Variants in PCNX1 observed in about 807,000 individuals in gnomAD.
PCNX1 encodes pecanex 1, also known as pecanex-like protein 1.
Under a neutral mutation model 242.2 loss-of-function variants are expected in PCNX1, and 78 were observed. That is an observed-to-expected ratio of 0.32 (90% CI 0.27 to 0.39). PCNX1 has a LOEUF of 0.39. Among genes scored for constraint, PCNX1 ranks in the 10% least tolerant of loss-of-function variants. The pLI is 1.00. For synonymous variants in PCNX1, 1,024 were observed against 1,032.9 expected (o/e 0.99, Z 0.17); for missense variants, 2,581 against 2,856.5 (o/e 0.90, Z 2.20).
chr14:71,114,069 A>G lies in PCNX1; in HGVS notation c.*4134A>G, dbSNP rs1057275386. ...TTAGTGGAGATAATAACGTCAGTCA[A>G]GGCTAATGTGGTACATGGAACTTGC... On this transcript the variant is annotated 3_prime_UTR_variant, in exon 36 of 36. Coordinates refer to ENST00000304743, the MANE Select transcript of PCNX1 (RefSeq NM_014982.3). 6.6e-5 allele frequency: 10 copies of G among 152,198 alleles called. No individual in the cohort carries two copies. The highest frequency in any genetic ancestry group is 2.2e-4 in the African/African-American group (9 of 41,452). The allele number at this position is 152,198 out of a possible 1,614,324, so 9.4% of individuals were successfully genotyped here.
chr14:70,966,133 G>A (rs2058371152), intron 3 of PCNX1, among the ~76,000 whole-genome samples: 1 of 152,112 alleles, frequency 6.6e-6, no homozygotes, highest in Non-Finnish European at 1.5e-5. Flanking sequence ...TTTATATTCT[G>A]GAGCCCTGTT....
intron 5 of PCNX1, among the ~76,000 whole-genome samples, chr14:70,970,815 A>G (rs1279346884): frequency 6.6e-6 from 1 of 152,336 alleles, no homozygotes; most frequent in East Asian, 1.9e-4. Flanking sequence ...GTGCCATCCT[A>G]AAATTTGGTT....
intron 16 of PCNX1, chr14:71,031,827 GGTGGCATC>G: frequency 6.7e-7 from 1 of 1,489,622 alleles, no homozygotes; most frequent in Non-Finnish European, 9.4e-7. Context: ...GGAGAGGGAT[GGTGGCATC>G]GTCTGGCTTC....
chr14:71,041,753 C>G (rs2060711569), intron 19 of PCNX1, among the ~76,000 whole-genome samples: 1 of 151,456 alleles, frequency 6.6e-6, no homozygotes, highest in East Asian at 1.9e-4. Context: ...TGAACTCTTT[C>G]TACTTTTTTG....
intron 2 of PCNX1, among the ~76,000 whole-genome samples, chr14:70,949,182 C>T (rs947984791): frequency 7.4e-6 from 1 of 134,310 alleles, no homozygotes; most frequent in Non-Finnish European, 1.6e-5. Flanking sequence ...TTATACATCT[C>T]AGCATTTACT....
intron 1 of PCNX1, among the ~76,000 whole-genome samples, chr14:70,933,413 T>G (rs888861764): frequency 1.3e-5 from 2 of 152,234 alleles, no homozygotes; most frequent in African/African-American, 4.8e-5. Context: ...AGAATTATTT[T>G]TACATTTTTA....
intron 2 of PCNX1, among the ~76,000 whole-genome samples, chr14:70,957,317 T>A (rs2058033936): frequency 1.3e-5 from 2 of 152,150 alleles, no homozygotes; most frequent in Non-Finnish European, 2.9e-5. Context: ...AATAACTGTA[T>A]GTTCAGATTG....
chr14:71,003,231 G>A (rs935058195), intron 8 of PCNX1, among the ~76,000 whole-genome samples: 4 of 151,612 alleles, frequency 2.6e-5, no homozygotes, highest in Admixed American at 2.0e-4. Flanking sequence ...TTACAGGTGC[G>A]TGCCACCGTG....
intron 1 of PCNX1, 44 bp downstream of exon 1, chr14:70,908,047 CGGTGG>C: frequency 6.6e-7 from 1 of 1,512,554 alleles, no homozygotes; most frequent in Non-Finnish European, 8.9e-7. Context: ...CCCCGCGAGC[CGGTGG>C]GGAGATGCTG....
chr14:70,987,047 TTC>T (rs2059021146), intron 6 of PCNX1, among the ~76,000 whole-genome samples: 1 of 152,244 alleles, frequency 6.6e-6, no homozygotes, highest in South Asian at 2.1e-4. Context: ...GCTTGTTTTC[TTC>T]TCTGCTTTGT....
At chr14:71,097,647 C>T (rs1239712815) in intron 30 of PCNX1, among the ~76,000 whole-genome samples, 1 of 151,926 alleles carries the variant, frequency 6.6e-6, no homozygotes, top group Non-Finnish European at 1.5e-5. Flanking sequence ...TTGTTTTTTG[C>T]TTATTGAATT....
At chr14:71,041,555 TC>T (rs1303201154) in intron 19 of PCNX1, among the ~76,000 whole-genome samples, 1 of 152,140 alleles carries the variant, frequency 6.6e-6, no homozygotes, top group Non-Finnish European at 1.5e-5. Flanking sequence ...ATCTCCTTTT[TC>T]ATCTCTGATT....
At chr14:71,060,087 T>G (rs2061286354) in intron 26 of PCNX1, among the ~76,000 whole-genome samples, 1 of 152,212 alleles carries the variant, frequency 6.6e-6, no homozygotes, top group African/African-American at 2.4e-5. Flanking sequence ...TATCGTTAGA[T>G]TCTTACACAG....
At chr14:70,956,838 G>C (rs2058014270) in intron 2 of PCNX1, among the ~76,000 whole-genome samples, 1 of 151,952 alleles carries the variant, frequency 6.6e-6, no homozygotes. Context: ...TTTGCCTTTT[G>C]GTTTTCAGTT....
chr14:70,913,356 TGTCA>T (rs1213217448), intron 1 of PCNX1, among the ~76,000 whole-genome samples: 1 of 152,162 alleles, frequency 6.6e-6, no homozygotes, highest in African/African-American at 2.4e-5. Flanking sequence ...TTAGGTTCGG[TGTCA>T]GTCTCTACAA....
intron 1 of PCNX1, among the ~76,000 whole-genome samples, chr14:70,911,372 T>C (rs1594870182): frequency 6.6e-6 from 1 of 151,784 alleles, no homozygotes; most frequent in African/African-American, 2.4e-5. Context: ...ACTTTTGGTG[T>C]TTATTTAGGA....
chr14:70,932,048 A>C (rs1282492136), intron 1 of PCNX1, among the ~76,000 whole-genome samples: 1 of 152,178 alleles, frequency 6.6e-6, no homozygotes, highest in Non-Finnish European at 1.5e-5. Flanking sequence ...AATCGCTTGA[A>C]CCTGGGAGGC....
chr14:70,921,881 A>AAT (rs2056391167), intron 1 of PCNX1, among the ~76,000 whole-genome samples: 1 of 152,138 alleles, frequency 6.6e-6, no homozygotes, highest in Non-Finnish European at 1.5e-5. Context: ...ATCACCCCCT[A>AAT]AATGCTTCAG....
chr14:70,985,906 T>A (rs905493485), intron 6 of PCNX1, among the ~76,000 whole-genome samples: 5 of 146,670 alleles, frequency 3.4e-5, no homozygotes, highest in South Asian at 2.1e-4. Flanking sequence ...AAAGATTAAA[T>A]TTTTTTTTTT....
Sources: gnomAD v4.1 joint callset for allele counts (sites outside exome capture counted in the v4.1 genomes callset) on GRCh38, gnomAD v4.1.1 for gene constraint, MANE v1.5 for transcripts, NCBI Gene and HGNC (gene_info 2026-07-23, HGNC 2026-07-21) for gene names.